The following TLN2 variants were observed in gnomAD, a reference collection of about 807,000 sequenced individuals.
TLN2 encodes talin 2, also known as talin-2.
Under a neutral mutation model 294.7 loss-of-function variants are expected in TLN2, and 118 were observed. The observed-to-expected ratio is 0.40, with a 90% CI of 0.34 to 0.47. TLN2 has a LOEUF of 0.47. Ranked by LOEUF, TLN2 falls within the 20% of genes least tolerant of loss-of-function variation. The probability of loss-of-function intolerance (pLI) is 0.84; values close to 1 mark genes in which losing one functional copy is unlikely to be tolerated. For missense variants in TLN2, 3,083 were observed against 3,282.2 expected (o/e 0.94, Z 1.48); for synonymous variants, 1,431 against 1,304.5 (o/e 1.10, Z -2.09).
At chr15:62,602,113 T>C (rs1303849840) in intron 2 of TLN2, among the ~76,000 whole-genome samples, 3 of 152,242 alleles carry the variant, frequency 2.0e-5, no homozygotes, top group Non-Finnish European at 4.4e-5. Context: ...CTACTGTATT[T>C]ATCATTATTT....
At chr15:62,715,493 A>T (rs1206692996) in intron 22 of TLN2, among the ~76,000 whole-genome samples, 1 of 152,228 alleles carries the variant, frequency 6.6e-6, no homozygotes, top group Non-Finnish European at 1.5e-5. Context: ...ATGTTGAATT[A>T]TTATAGAGTT....
chr15:62,537,544 A>G (rs749151506), intron 1 of TLN2, among the ~76,000 whole-genome samples: 2 of 152,214 alleles, frequency 1.3e-5, no homozygotes, highest in Admixed American at 6.5e-5. Context: ...TGATATTTAT[A>G]TAACAAATCT....
chr15:62,624,759 A>G (rs952778579), intron 3 of TLN2, among the ~76,000 whole-genome samples: 5 of 152,214 alleles, frequency 3.3e-5, no homozygotes, highest in Non-Finnish European at 5.9e-5. Flanking sequence ...AATTACGTAC[A>G]TAAGCACATG....
rs113846251 is a variant in TLN2 at position 62,442,929 on chromosome 15, C to CCTA, written c.-238+52244_-238+52245insCTA. 6.7e-3 allele frequency among the ~76,000 whole-genome samples: 1,013 copies of CCTA among 152,296 alleles called. 14 individuals are homozygous for CCTA. The highest frequency in any genetic ancestry group is 0.021 in the African/African-American group (888 of 41,556). ...GCCTGCAGTTCTTGGCCTAGTGGTC[C>CCTA]TATCTTCCGTCTTCCGAGCCAGCAG... is the stretch of plus-strand genomic sequence containing the variant. On this transcript the variant is annotated intron_variant, in intron 1 of 58. Coordinates refer to ENST00000636159, the MANE Select transcript of TLN2 (RefSeq NM_015059.3).
chr15:62,658,134 C>CT (rs1236107385), intron 9 of TLN2: 1 of 255,150 alleles, frequency 3.9e-6, no homozygotes, highest in Non-Finnish European at 7.4e-6. Flanking sequence ...CCTCCACCCC[C>CT]TTTTTTTCCT....
At position 62,763,650 on chromosome 15, in the gene TLN2, C is replaced by T. The variant is rs753288601; in HGVS notation, c.5049C>T (p.Ala1683=). The change falls in exon 40 of 59, where the codon GCC becomes GCT. Residue 1683 remains alanine, a synonymous_variant. Coordinates refer to ENST00000636159, the MANE Select transcript of TLN2 (RefSeq NM_015059.3). ...CIRDIEQASL[A]AVSQSLATRD... is the part of the protein sequence containing the mutation. ...GGGACATCGAGCAGGCCTCGCTGGC[C>T]GCCGTCAGCCAGAGCCTGGCCACGA... is the stretch of plus-strand genomic sequence containing the variant. 16 of 1,612,916 alleles carry T rather than the reference C, an allele frequency of 9.9e-6. No homozygotes were observed. The highest frequency in any genetic ancestry group is 8.9e-5 in the East Asian group (4 of 44,876).
chr15:62,393,849 C>CTTTTTTTT (rs35651315), intron 1 of TLN2, among the ~76,000 whole-genome samples: 29 of 138,278 alleles, frequency 2.1e-4, no homozygotes, highest in African/African-American at 7.5e-4. Flanking sequence ...TTGCCTGATT[C>CTTTTTTTT]TTTTTTTTTT....
intron 43 of TLN2, among the ~76,000 whole-genome samples, chr15:62,777,303 AAG>A (rs2063786233): frequency 1.3e-5 from 2 of 152,084 alleles, no homozygotes; most frequent in Non-Finnish European, 2.9e-5. Flanking sequence ...TTGGGAGGCC[AAG>A]GCGGGCGGAT....
intron 1 of TLN2, among the ~76,000 whole-genome samples, chr15:62,562,963 CACACACA>C (rs1441318315): frequency 1.5e-5 from 2 of 134,620 alleles, no homozygotes; most frequent in East Asian, 2.1e-4. Context: ...CACACACACA[CACACACA>C]CCAGTTTCTT....
chr15:62,498,011 G>T (rs1429432326), intron 1 of TLN2, among the ~76,000 whole-genome samples: 2 of 151,876 alleles, frequency 1.3e-5, no homozygotes, highest in Non-Finnish European at 2.9e-5. Context: ...ACTTTGGGAG[G>T]CCAGGGTGGG....
chr15:62,625,730 A>G (rs1270356302), intron 3 of TLN2, among the ~76,000 whole-genome samples: 1 of 152,172 alleles, frequency 6.6e-6, no homozygotes, highest in Non-Finnish European at 1.5e-5. Flanking sequence ...GTCTTTTTAG[A>G]GAATAAGACT....
chr15:62,464,773 A>G (rs925079417), intron 1 of TLN2, among the ~76,000 whole-genome samples: 1 of 152,164 alleles, frequency 6.6e-6, no homozygotes, highest in African/African-American at 2.4e-5. Context: ...GCTCATTTTA[A>G]ATGCAAATTC....
chr15:62,786,014 A>G (rs2064626075), intron 45 of TLN2, among the ~76,000 whole-genome samples: 1 of 152,198 alleles, frequency 6.6e-6, no homozygotes, highest in South Asian at 2.1e-4. Flanking sequence ...TTACATCTTG[A>G]GATGTATTTT....
At chr15:62,547,055 G>A (rs978141999) in intron 1 of TLN2, among the ~76,000 whole-genome samples, 4 of 152,160 alleles carry the variant, frequency 2.6e-5, no homozygotes, top group East Asian at 1.9e-4. Flanking sequence ...GAATCTGGCC[G>A]TTTACCAAAG....
At chr15:62,642,644 A>G (rs1474502845) in intron 3 of TLN2, among the ~76,000 whole-genome samples, 3 of 151,376 alleles carry the variant, frequency 2.0e-5, no homozygotes, top group Non-Finnish European at 4.4e-5. Flanking sequence ...CTAGGTTGCT[A>G]TATGTTCTAA....
At chr15:62,781,316 C>A (rs2064146259) in intron 44 of TLN2, 75 bp downstream of exon 44, 2 of 1,165,844 alleles carry the variant, frequency 1.7e-6, no homozygotes, top group Non-Finnish European at 2.5e-6. Flanking sequence ...CCTGCAAATC[C>A]CAGATCTGTG....
At chr15:62,692,760 G>A in intron 12 of TLN2, 80 bp from the exon 13 acceptor site, 1 of 1,062,820 alleles carries the variant, frequency 9.4e-7, no homozygotes. Flanking sequence ...ATGTCATATT[G>A]TTCTAGAGCT....
At chr15:62,738,823 A>G (rs1288878221) in intron 30 of TLN2, among the ~76,000 whole-genome samples, 2 of 152,214 alleles carry the variant, frequency 1.3e-5, no homozygotes, top group Admixed American at 1.3e-4. Context: ...AATAGAGTCT[A>G]GCTTAACTCC....
chr15:62,766,381 G>A lies in TLN2; in HGVS notation c.5155G>A (p.Ala1719Thr), dbSNP rs763616420. Reference sequence around the variant, plus strand: ...AATCGGACACCTTATCGATCCCATCGCCACAGCGGCTCGGGGAGAAGCAGC... The same window carrying A: ...AATCGGACACCTTATCGATCCCATCACCACAGCGGCTCGGGGAGAAGCAGC... ...QEIGHLIDPI[A>T]TAARGEAAQL... The change falls in exon 41 of 59, where the codon GCC becomes ACC. Residue 1719 changes from alanine (A) to threonine (T), a missense_variant. Ala to Thr is a moderately conservative substitution (Grantham distance 58). Coordinates refer to ENST00000636159, the MANE Select transcript of TLN2 (RefSeq NM_015059.3). 7.2e-5 allele frequency: 116 copies of A among 1,612,572 alleles called. No individual in the cohort carries two copies. Among genetic ancestry groups the A allele is most frequent in the Non-Finnish European group, 9.0e-5 (106 of 1,178,830 alleles).
Sources: allele counts gnomAD v4.1 joint callset (sites outside exome capture counted in the v4.1 genomes callset), GRCh38; gene constraint gnomAD v4.1.1; transcripts MANE v1.5; gene names NCBI Gene and HGNC (gene_info 2026-07-23, HGNC 2026-07-21).